The following MEF2C variants were observed in gnomAD, a reference collection of about 807,000 sequenced individuals.
MEF2C encodes myocyte enhancer factor 2C.
In MEF2C, 6 loss-of-function variants were observed where a neutral mutation model predicts 50.5. The observed-to-expected ratio is 0.12, with a 90% confidence interval of 0.07 to 0.23. The LOEUF (loss-of-function observed/expected upper bound fraction) is 0.23. Ranked by LOEUF, MEF2C falls within the 10% of genes least tolerant of loss-of-function variation. The pLI is 1.00. For missense variants in MEF2C, 276 were observed against 605.0 expected (o/e 0.46, Z 5.70); for synonymous variants, 183 against 228.0 (o/e 0.80, Z 1.78).
intron 3 of MEF2C, among the ~76,000 whole-genome samples, chr5:88,776,373 T>C (rs964491605): frequency 6.6e-6 from 1 of 152,134 alleles, no homozygotes; most frequent in South Asian, 2.1e-4. Flanking sequence ...ATTCTCTTAG[T>C]TATTTTGAAA....
chr5:88,750,402 T>C (rs533636261), intron 5 of MEF2C, among the ~76,000 whole-genome samples: 1 of 151,918 alleles, frequency 6.6e-6, no homozygotes, highest in South Asian at 2.1e-4. Flanking sequence ...GAGATGGGGT[T>C]TCTCTATGTT....
chr5:88,846,953 G>A (rs568098546), intron 1 of MEF2C, among the ~76,000 whole-genome samples: 19 of 152,294 alleles, frequency 1.2e-4, no homozygotes, highest in African/African-American at 4.3e-4. Flanking sequence ...GCTGCATTGT[G>A]AATTTTCTTT....
chr5:88,738,790 A>G, intron 6 of MEF2C: 5 of 985,382 alleles, frequency 5.1e-6, no homozygotes, highest in Non-Finnish European at 6.0e-6. Context: ...GGGCATAGTA[A>G]ATAGTAGTTC....
intron 3 of MEF2C, among the ~76,000 whole-genome samples, chr5:88,799,870 TCACACACACACACACACACACACACA>T (rs60340884): frequency 2.8e-5 from 3 of 107,416 alleles, no homozygotes; most frequent in Non-Finnish European, 6.2e-5. Flanking sequence ...TCTCTCTCTC[TCACACACACACACACACACACACACA>T]CACACACACA....
intron 2 of MEF2C, among the ~76,000 whole-genome samples, chr5:88,821,907 G>GTAA (rs1440641211): frequency 6.6e-6 from 1 of 151,912 alleles, no homozygotes; most frequent in Non-Finnish European, 1.5e-5. Flanking sequence ...GTAATTAAAA[G>GTAA]AGTAGAATTG....
intron 2 of MEF2C, among the ~76,000 whole-genome samples, chr5:88,813,884 C>A (rs1562184272): frequency 6.6e-6 from 1 of 151,618 alleles, no homozygotes; most frequent in African/African-American, 2.4e-5. Context: ...TTTTTTTTCC[C>A]TCCAAATAAG....
chr5:88,836,162 C>T (rs936107392), intron 1 of MEF2C, among the ~76,000 whole-genome samples: 5 of 152,088 alleles, frequency 3.3e-5, no homozygotes, highest in African/African-American at 1.2e-4. Context: ...CATTTACAAT[C>T]AATCAAATGC....
intron 3 of MEF2C, chr5:88,781,008 G>T: frequency 1.1e-6 from 1 of 889,402 alleles, no homozygotes; most frequent in Non-Finnish European, 1.3e-6. Context: ...CTATTTGGCA[G>T]AGTTCCACTT....
intron 7 of MEF2C, 71 bp from the exon 8 acceptor site, chr5:88,730,305 A>G: frequency 6.6e-7 from 1 of 1,505,144 alleles, no homozygotes; most frequent in South Asian, 1.2e-5. Flanking sequence ...AATCTTTTCA[A>G]CAAAAGGAAA....
chr5:88,790,424 A>G lies in MEF2C; in HGVS notation c.258+14174T>C, dbSNP rs1793214592. Among the ~76,000 whole-genome samples, 3 of 152,196 alleles carry G rather than the reference A, an allele frequency of 2.0e-5. 1 individual carries two copies. In the South Asian group the frequency reaches 6.2e-4, roughly 31 times the overall value. ...CCCTGCCCTATACCCACTGAGTTAGAATCAGCATTTTAGCAAGATACTCTG... is the reference window on the plus strand; with the variant it reads ...CCCTGCCCTATACCCACTGAGTTAGGATCAGCATTTTAGCAAGATACTCTG... On this transcript the variant is annotated intron_variant, in intron 3 of 10. Transcript: ENST00000504921.
At chr5:88,869,298 C>CGTATATATAT (rs1828687855) in intron 1 of MEF2C, among the ~76,000 whole-genome samples, 2 of 101,130 alleles carry the variant, frequency 2.0e-5, no homozygotes, top group Non-Finnish European at 2.0e-5. Flanking sequence ...TATATATACA[C>CGTATATATAT]ATATATATAT....
chr5:88,734,573 T>TG (rs1561717223), intron 6 of MEF2C: 3 of 838,636 alleles, frequency 3.6e-6, no homozygotes, highest in African/African-American at 2.2e-5. Context: ...TTGTTTTTTT[T>TG]TTTTTTTTTT....
chr5:88,748,626 T>A (rs769350352), intron 6 of MEF2C, among the ~76,000 whole-genome samples: 1 of 152,226 alleles, frequency 6.6e-6, no homozygotes, highest in South Asian at 2.1e-4. Flanking sequence ...AACAGTATTG[T>A]TGAATAATTA....
At chr5:88,734,865 A>C in intron 6 of MEF2C, 3 of 976,920 alleles carry the variant, frequency 3.1e-6, no homozygotes, top group Non-Finnish European at 3.6e-6. Context: ...GAAATGTAAA[A>C]TATTTTGAAC....
At chr5:88,824,204 AT>A (rs909490937) in intron 1 of MEF2C, 317 of 950,638 alleles carry the variant, frequency 3.3e-4, no homozygotes, top group Middle Eastern at 1.1e-3. Context: ...CTTGAAATGT[AT>A]TTTTTTTTGT....
At chr5:88,820,313 G>C (rs766201357) in intron 2 of MEF2C, among the ~76,000 whole-genome samples, 8 of 151,786 alleles carry the variant, frequency 5.3e-5, no homozygotes, top group Non-Finnish European at 1.0e-4. Flanking sequence ...ACTATTTTAC[G>C]TATTGATGTT....
At chr5:88,829,879 A>T (rs1812369365) in intron 1 of MEF2C, among the ~76,000 whole-genome samples, 1 of 152,018 alleles carries the variant, frequency 6.6e-6, no homozygotes, top group Admixed American at 6.6e-5. Context: ...GATGGTTATG[A>T]TCATAACATG....
intron 2 of MEF2C, among the ~76,000 whole-genome samples, chr5:88,807,640 A>G (rs561036146): frequency 6.6e-6 from 1 of 152,332 alleles, no homozygotes; most frequent in African/African-American, 2.4e-5. Flanking sequence ...ATGTGTGTAT[A>G]GTATTGAGTA....
intron 6 of MEF2C, chr5:88,740,200 G>A (rs755560618): frequency 1.1e-5 from 11 of 983,502 alleles, no homozygotes; most frequent in Admixed American, 1.3e-4. Context: ...TGTCCTTGAC[G>A]TTTCTTGGGC....
Sources: allele counts gnomAD v4.1 joint callset (sites outside exome capture counted in the v4.1 genomes callset), GRCh38; gene constraint gnomAD v4.1.1; transcripts MANE v1.5; gene names NCBI Gene and HGNC (gene_info 2026-07-23, HGNC 2026-07-21).